The following CADM2 variants were observed in gnomAD, a reference collection of about 807,000 sequenced individuals.
CADM2 encodes immunoglobulin superfamily member 4D.
In CADM2, 12 loss-of-function variants were observed where a neutral mutation model predicts 49.8. The ratio of observed to expected loss-of-function variants is 0.24; its 90% CI spans 0.15 to 0.39. CADM2 has a LOEUF of 0.39. Ranked by LOEUF, CADM2 falls within the 10% of genes least tolerant of loss-of-function variation. The pLI is 1.00. For synonymous variants in CADM2, 214 were observed against 175.4 expected (o/e 1.22, Z -1.74); for missense variants, 378 against 492.3 (o/e 0.77, Z 2.20).
intron 1 of CADM2, among the ~76,000 whole-genome samples, chr3:85,594,885 C>T (rs980117499): frequency 7.9e-5 from 12 of 151,882 alleles, no homozygotes; most frequent in African/African-American, 1.7e-4. Flanking sequence ...TACTTGGCAC[C>T]GTCAGTTTTA....
intron 1 of CADM2, among the ~76,000 whole-genome samples, chr3:85,138,996 T>G (rs150703902): frequency 6.6e-6 from 1 of 152,294 alleles, no homozygotes; most frequent in East Asian, 1.9e-4. Context: ...ACATTTGAGT[T>G]CTATGTGTTC....
intron 1 of CADM2, among the ~76,000 whole-genome samples, chr3:85,555,900 TTAAC>T (rs2061945025): frequency 1.3e-5 from 2 of 152,148 alleles, no homozygotes; most frequent in Non-Finnish European, 2.9e-5. Context: ...TTAAATGTAT[TTAAC>T]TAAAACCTAG....
At position 85,912,399 on chromosome 3, in the gene CADM2, G is replaced by A. The variant is rs771188436; in HGVS notation, c.556G>A (p.Ala186Thr). ...TGTAAAATATTTAAAAGAAGAGGAT[G>A]CAAATCGCAAGACATTCACTGTCAG... ...KDVKYLKEED[A>T]NRKTFTVSST... Residue 186 changes from alanine (A) to threonine (T), a missense_variant, in exon 6 of 10, where the codon GCA becomes ACA. Transcript: ENST00000383699. 3.7e-6 allele frequency: 6 copies of A among 1,610,340 alleles called. No homozygotes were observed. The highest frequency in any genetic ancestry group is 1.1e-5 in the South Asian group (1 of 90,274).
chr3:85,343,687 T>G (rs1005578566), intron 1 of CADM2, among the ~76,000 whole-genome samples: 29 of 152,338 alleles, frequency 1.9e-4, no homozygotes, highest in Non-Finnish European at 4.4e-5. Flanking sequence ...TGCTCAATTT[T>G]GTTGGCTCGA....
At chr3:85,881,373 TTCATC>T (rs1437882793) in intron 3 of CADM2, among the ~76,000 whole-genome samples, 2 of 152,182 alleles carry the variant, frequency 1.3e-5, no homozygotes, top group Non-Finnish European at 2.9e-5. Context: ...CAATATTTGA[TTCATC>T]TCAGTATAGG....
At chr3:85,333,033 A>G (rs1340493358) in intron 1 of CADM2, among the ~76,000 whole-genome samples, 2 of 151,760 alleles carry the variant, frequency 1.3e-5, no homozygotes, top group African/African-American at 2.4e-5. Flanking sequence ...CTTTGATGTT[A>G]TTTTGGCTTT....
At chr3:85,646,943 A>T (rs936412283) in intron 1 of CADM2, among the ~76,000 whole-genome samples, 2 of 151,890 alleles carry the variant, frequency 1.3e-5, no homozygotes, top group Admixed American at 1.3e-4. Context: ...TTCTAAAGAC[A>T]TACAAGGTGT....
intron 8 of CADM2, among the ~76,000 whole-genome samples, chr3:85,985,551 G>T (rs1367235663): frequency 6.6e-6 from 1 of 151,676 alleles, no homozygotes; most frequent in Non-Finnish European, 1.5e-5. Context: ...TTTAGTATAC[G>T]TCTGGAATGA....
chr3:84,966,732 T>C (rs971066839), intron 1 of CADM2, among the ~76,000 whole-genome samples: 17 of 152,076 alleles, frequency 1.1e-4, no homozygotes, highest in African/African-American at 4.1e-4. Context: ...AAGTAAATAT[T>C]AACACAGTCA....
chr3:85,295,636 T>C (rs1171379945), intron 1 of CADM2, among the ~76,000 whole-genome samples: 1 of 152,126 alleles, frequency 6.6e-6, no homozygotes, highest in Non-Finnish European at 1.5e-5. Flanking sequence ...TCATGTCCTT[T>C]GTAGGGACAT....
Position 85,260,819 on chromosome 3 carries a change from CATT to C in CADM2, c.61+301153_61+301155del, listed in dbSNP as rs1251421362. On this transcript the variant is annotated intron_variant, in intron 1 of 9. Transcript: ENST00000383699. ...TCACAAATTATAGTTTTTAATCTATCATTAGTAACGAATTCTTTGTTAAACCTT... is the reference window on the plus strand; with the variant it reads ...TCACAAATTATAGTTTTTAATCTATCAGTAACGAATTCTTTGTTAAACCTT... Among the ~76,000 whole-genome samples, 16 of 152,204 alleles carry C rather than the reference CATT, an allele frequency of 1.1e-4. No individual in the cohort carries two copies. The East Asian group carries it at 3.1e-3, about 30-fold the overall frequency.
chr3:85,256,929 T>C (rs760530869), intron 1 of CADM2, among the ~76,000 whole-genome samples: 1 of 152,164 alleles, frequency 6.6e-6, no homozygotes, highest in Non-Finnish European at 1.5e-5. Context: ...AAAATTACTT[T>C]CTGAAATGTA....
At chr3:85,265,307 T>TG (rs993468996) in intron 1 of CADM2, among the ~76,000 whole-genome samples, 5 of 152,104 alleles carry the variant, frequency 3.3e-5, no homozygotes, top group African/African-American at 7.2e-5. Context: ...ATATTTTTTT[T>TG]TGTGTTAGTA....
intron 1 of CADM2, among the ~76,000 whole-genome samples, chr3:85,066,398 C>A (rs560564976): frequency 6.6e-6 from 1 of 151,950 alleles, no homozygotes; most frequent in African/African-American, 2.4e-5. Flanking sequence ...AAAAAAATCC[C>A]CAAAGTGCTA....
chr3:85,224,628 G>A lies in CADM2; in HGVS notation c.61+264960G>A, dbSNP rs547400548. ...TAATTAGATCCCATTTGTCAATTTT[G>A]GCTTTTGTTGCCATTGCTTTTGGTG... On this transcript the variant is annotated intron_variant, in intron 1 of 9. Coordinates refer to ENST00000383699, the MANE Select transcript of CADM2 (RefSeq NM_001167675.2). 2.6e-5 allele frequency among the ~76,000 whole-genome samples: 4 copies of A among 152,160 alleles called. No homozygotes were observed. The East Asian group carries it at 7.7e-4, about 29-fold the overall frequency.
At chr3:85,581,180 C>A (rs1315133882) in intron 1 of CADM2, among the ~76,000 whole-genome samples, 7 of 152,010 alleles carry the variant, frequency 4.6e-5, no homozygotes, top group Admixed American at 4.6e-4. Flanking sequence ...TACATTTGTC[C>A]ACATTTGAAT....
intron 1 of CADM2, among the ~76,000 whole-genome samples, chr3:85,384,555 C>G (rs1435946007): frequency 2.0e-5 from 3 of 151,974 alleles, no homozygotes; most frequent in Non-Finnish European, 4.4e-5. Context: ...TTCAGGTGAT[C>G]CGCCCGCCTC....
chr3:85,886,455 A>G, intron 5 of CADM2, 128 bp downstream of exon 5: 2 of 636,556 alleles, frequency 3.1e-6, no homozygotes, highest in Non-Finnish European at 2.7e-6. Flanking sequence ...TTTGAACCAG[A>G]TTTACCCATT....
chr3:85,411,581 G>T (rs569560272), intron 1 of CADM2, among the ~76,000 whole-genome samples: 3 of 152,088 alleles, frequency 2.0e-5, no homozygotes, highest in Admixed American at 2.0e-4. Context: ...ACTGAACAGC[G>T]TAACAATCAT....
Sources: gnomAD v4.1 joint callset for allele counts (sites outside exome capture counted in the v4.1 genomes callset) on GRCh38, gnomAD v4.1.1 for gene constraint, MANE v1.5 for transcripts, NCBI Gene and HGNC (gene_info 2026-07-23, HGNC 2026-07-21) for gene names.